DNAH11: variants seen among roughly 807,000 people sequenced by gnomAD.
DNAH11 encodes the protein axonemal beta dynein heavy chain 11.
Under a neutral mutation model 526.0 loss-of-function variants are expected in DNAH11, and 442 were observed. That is an observed-to-expected ratio of 0.84 (90% CI 0.78 to 0.91). The LOEUF (loss-of-function observed/expected upper bound fraction) is 0.91. Among genes scored for constraint, DNAH11 ranks in the 40% least tolerant of loss-of-function variants. The pLI is 0.00. For missense variants in DNAH11, 6,989 were observed against 5,448.7 expected (o/e 1.28, Z -8.90); for synonymous variants, 2,461 against 1,935.9 (o/e 1.27, Z -7.12).
At chr7:21,765,053 C>T (rs1410914189) in intron 54 of DNAH11, among the ~76,000 whole-genome samples, 1 of 152,126 alleles carries the variant, frequency 6.6e-6, no homozygotes, top group Non-Finnish European at 1.5e-5. Flanking sequence ...ATGGAAGAAA[C>T]AGAAGATGAA....
chr7:21,674,922 C>G (rs1017278184), intron 30 of DNAH11, among the ~76,000 whole-genome samples: 4 of 152,168 alleles, frequency 2.6e-5, no homozygotes, highest in Non-Finnish European at 5.9e-5. Context: ...CCGCTTGACT[C>G]TTCTTTTCCT....
In DNAH11 at chr7:21,754,985, G is replaced by A. The variant is rs28647851; in HGVS notation, c.8940+4621G>A. ...ACTAAAGACTCAGAATTTCTGATGAGCTGATATCTCCTTTGCATAAGTTCC... is the reference window on the plus strand; with the variant it reads ...ACTAAAGACTCAGAATTTCTGATGAACTGATATCTCCTTTGCATAAGTTCC... On this transcript the variant is annotated intron_variant, in intron 54 of 81. Coordinates refer to ENST00000409508, the MANE Select transcript of DNAH11 (RefSeq NM_001277115.2). 6.2e-3 allele frequency among the ~76,000 whole-genome samples: 944 copies of A among 152,278 alleles called. 7 individuals are homozygous for A. Among genetic ancestry groups the A allele is most frequent in the African/African-American group, 0.022 (910 of 41,548 alleles).
At chr7:21,614,991 G>T in intron 20 of DNAH11, 123 bp from the exon 21 acceptor site, 2 of 1,181,514 alleles carry the variant, frequency 1.7e-6, no homozygotes, top group Non-Finnish European at 2.3e-6. Flanking sequence ...TTACGCTGCA[G>T]ATTTATTTTT....
At chr7:21,571,644 GT>G (rs1783894654) in intron 7 of DNAH11, among the ~76,000 whole-genome samples, 161 bp from the exon 8 acceptor site, 1 of 151,992 alleles carries the variant, frequency 6.6e-6, no homozygotes, top group Admixed American at 6.6e-5. Context: ...CAATGACTTT[GT>G]TTAATTAAAT....
chr7:21,648,308 A>G (rs926392595), intron 28 of DNAH11, among the ~76,000 whole-genome samples: 10 of 152,208 alleles, frequency 6.6e-5, no homozygotes, highest in Admixed American at 1.3e-4. Context: ...ATGCCCTTTG[A>G]ATGTGATGTG....
Position 21,681,682 on chromosome 7 carries a change from GTTGT to G in DNAH11, c.5460+10_5460+13del. The stretch of plus-strand genomic sequence containing the variant: ...GCAAAACTTATTTCTCAGAAGGCAA[GTTGT>G]TTGTAGAAATTTTATGTATTCATTA... On this transcript the variant is annotated splice_donor_region_variant and intron_variant, in intron 31 of 81. Transcript: ENST00000409508. The G allele has an allele frequency of 6.2e-7, 1 of 1,613,812 alleles. No homozygotes were observed. Among genetic ancestry groups the G allele is most frequent in the Non-Finnish European group, 8.5e-7 (1 of 1,179,758 alleles).
At chr7:21,726,093 C>G in intron 45 of DNAH11, 109 bp downstream of exon 45, 3 of 1,108,008 alleles carry the variant, frequency 2.7e-6, no homozygotes, top group Non-Finnish European at 3.7e-6. Context: ...GCTCATGATT[C>G]CACAGGCTGC....
intron 30 of DNAH11, among the ~76,000 whole-genome samples, chr7:21,661,840 A>T (rs1782254022): frequency 6.6e-6 from 1 of 151,334 alleles, no homozygotes; most frequent in Non-Finnish European, 1.5e-5. Flanking sequence ...TTTTTTTGAG[A>T]TGGAGTTTCG....
intron 66 of DNAH11, among the ~76,000 whole-genome samples, chr7:21,850,104 C>A (rs1391619226): frequency 2.0e-5 from 3 of 151,634 alleles, no homozygotes; most frequent in Non-Finnish European, 4.4e-5. Context: ...CGCCTGTAAT[C>A]CCAGCACTTT....
intron 6 of DNAH11, among the ~76,000 whole-genome samples, chr7:21,567,644 C>T (rs1783722664): frequency 6.6e-6 from 1 of 152,196 alleles, no homozygotes; most frequent in Non-Finnish European, 1.5e-5. Context: ...TGACCATGAC[C>T]TTCACTGTTC....
chr7:21,765,288 TG>T (rs1438307243), intron 54 of DNAH11, 139 bp from the exon 55 acceptor site: 14 of 1,201,030 alleles, frequency 1.2e-5, no homozygotes, highest in South Asian at 4.2e-5. Flanking sequence ...AGGTTAATGT[TG>T]CTGTCCACTC....
At chr7:21,688,650 C>A (rs1488220336) in intron 34 of DNAH11, among the ~76,000 whole-genome samples, 1 of 152,214 alleles carries the variant, frequency 6.6e-6, no homozygotes, top group Admixed American at 6.5e-5. Context: ...AATCTTAGTC[C>A]TTCCACCAAC....
At chr7:21,763,352 A>AAAAAGAAAAG (rs1554278428) in intron 54 of DNAH11, among the ~76,000 whole-genome samples, 10 of 112,334 alleles carry the variant, frequency 8.9e-5, no homozygotes, top group African/African-American at 1.9e-4. Flanking sequence ...AAAAAAAAAA[A>AAAAAGAAAAG]AAAAGAAAAA....
At chr7:21,864,060 C>G (rs959650101) in intron 69 of DNAH11, among the ~76,000 whole-genome samples, 4 of 152,152 alleles carry the variant, frequency 2.6e-5, no homozygotes, top group Non-Finnish European at 5.9e-5. Context: ...AAAAGGTTTT[C>G]TCATTCTTCT....
chr7:21,661,794 A>T (rs1434492551), intron 30 of DNAH11, among the ~76,000 whole-genome samples: 1 of 152,090 alleles, frequency 6.6e-6, no homozygotes, highest in East Asian at 1.9e-4. Flanking sequence ...GGATCATTAG[A>T]AGGATTACTT....
intron 55 of DNAH11, among the ~76,000 whole-genome samples, chr7:21,766,286 T>A (rs994059773): frequency 6.6e-6 from 1 of 152,174 alleles, no homozygotes; most frequent in Non-Finnish European, 1.5e-5. Flanking sequence ...AGGTTATGAT[T>A]TAGATTTCCT....
At chr7:21,796,007 A>G (rs189945290) in intron 61 of DNAH11, among the ~76,000 whole-genome samples, 1 of 152,324 alleles carries the variant, frequency 6.6e-6, no homozygotes, top group East Asian at 1.9e-4. Flanking sequence ...TGAAGAGTAG[A>G]GTATAAATGT....
At chr7:21,767,596 A>G (rs2127975087) in intron 55 of DNAH11, among the ~76,000 whole-genome samples, 1 of 152,216 alleles carries the variant, frequency 6.6e-6, no homozygotes, top group African/African-American at 2.4e-5. Context: ...ACACTTTCCC[A>G]TTTCTCTTGA....
At chr7:21,886,955 T>C (rs1784145577) in intron 76 of DNAH11, among the ~76,000 whole-genome samples, 1 of 152,224 alleles carries the variant, frequency 6.6e-6, no homozygotes, top group Admixed American at 6.5e-5. Flanking sequence ...CTTAACTGAC[T>C]TGCTGTCAGA....
Sources: allele counts gnomAD v4.1 joint callset (sites outside exome capture counted in the v4.1 genomes callset), GRCh38; gene constraint gnomAD v4.1.1; transcripts MANE v1.5; gene names NCBI Gene and HGNC (gene_info 2026-07-23, HGNC 2026-07-21).